PRDM16: variants seen among roughly 807,000 people sequenced by gnomAD.
The protein encoded by PRDM16 is PR/SET domain 16, also known as histone-lysine N-methyltransferase PRDM16.
Under a neutral mutation model 110.6 loss-of-function variants are expected in PRDM16, and 23 were observed. The ratio of observed to expected loss-of-function variants is 0.21; its 90% confidence interval spans 0.15 to 0.29. The LOEUF (loss-of-function observed/expected upper bound fraction) is 0.29, where lower values mean the gene tolerates loss of function less well. Ranked by LOEUF, PRDM16 falls within the 10% of genes least tolerant of loss-of-function variation. PRDM16 has a pLI of 1.00. For synonymous variants in PRDM16, 799 were observed against 781.8 expected, an observed-to-expected ratio of 1.02 and a Z score of -0.37; for missense variants, 1,615 against 1,794.3, an observed-to-expected ratio of 0.90 and a Z score of 1.81.
Position 3,157,416 on chromosome 1 carries a change from T to G in PRDM16, c.38-28709T>G, listed in dbSNP as rs118067311. Among the ~76,000 whole-genome samples, 1,889 of 117,934 alleles carry G rather than the reference T, an allele frequency of 0.016. 80 individuals carry two copies. Among genetic ancestry groups the G allele is most frequent in the East Asian group, 0.13 (524 of 3,974 alleles). 77.4% of individuals were successfully genotyped at this position (117,934 alleles called of 152,430 possible). On this transcript the variant is annotated intron_variant, in intron 1 of 16. Coordinates refer to ENST00000270722, the MANE Select transcript of PRDM16 (RefSeq NM_022114.4). This position sits in a 1 kb window ranked among gnomAD's most constrained non-coding sequence, Gnocchi z 4.8. ...CCCCAGGCTCCCAGGCCTTTTGCGA[T>G]CCCATTAAAAAAAAAAAAAAAAAAA...
chr1:3,267,690 C>T lies in PRDM16; in HGVS notation c.438+23553C>T, dbSNP rs367857163. ...GAGCGGCTGAAGGGGCGGCCCCTCC[C>T]GCACCAGGGTGATTCCAGCCCCTGC... On this transcript the variant is annotated intron_variant, in intron 3 of 16. Transcript: ENST00000270722. Among the ~76,000 whole-genome samples the T allele has an allele frequency of 7.2e-5, 11 of 152,330 alleles. No individual in the cohort carries two copies. In the East Asian group the frequency reaches 1.4e-3, roughly 19 times the overall value.
At chr1:3,167,051 G>T (rs886192547) in intron 1 of PRDM16, among the ~76,000 whole-genome samples, 1 of 152,214 alleles carries the variant, frequency 6.6e-6, no homozygotes, top group Non-Finnish European at 1.5e-5. Flanking sequence ...CCAGGGAGGT[G>T]CAGGGAGCGA....
At chr1:3,072,789 G>A (rs778916198) in intron 1 of PRDM16, among the ~76,000 whole-genome samples, 2 of 152,254 alleles carry the variant, frequency 1.3e-5, no homozygotes, top group Non-Finnish European at 2.9e-5. Context: ...CGCTTCGGAC[G>A]AAAACACAGA....
chr1:3,396,016 T>C (rs1643380088), intron 4 of PRDM16, among the ~76,000 whole-genome samples: 1 of 152,202 alleles, frequency 6.6e-6, no homozygotes, highest in Non-Finnish European at 1.5e-5. Context: ...CGCAGCCCCA[T>C]GTCCTGACTC....
chr1:3,250,251 T>C (rs1190908831), intron 3 of PRDM16, among the ~76,000 whole-genome samples: 1 of 151,492 alleles, frequency 6.6e-6, no homozygotes, highest in Non-Finnish European at 1.5e-5. Flanking sequence ...CAGCCACAGC[T>C]CCCGTGGCCT....
intron 2 of PRDM16, among the ~76,000 whole-genome samples, chr1:3,199,619 G>GC (rs536252037): frequency 1.2e-4 from 19 of 152,324 alleles, no homozygotes; most frequent in African/African-American, 4.3e-4. Flanking sequence ...CACTGGAGCT[G>GC]CCGGGCCCCC....
At chr1:3,428,355 A>G (rs1028688658) in intron 14 of PRDM16, among the ~76,000 whole-genome samples, 1 of 151,298 alleles carries the variant, frequency 6.6e-6, no homozygotes, top group Non-Finnish European at 1.5e-5. Context: ...GGCTGTCTCT[A>G]AGAGAAAGAG....
At chr1:3,281,476 A>C (rs763901191) in intron 3 of PRDM16, among the ~76,000 whole-genome samples, 2 of 152,258 alleles carry the variant, frequency 1.3e-5, no homozygotes, top group Non-Finnish European at 2.9e-5. Flanking sequence ...GAAACTTATC[A>C]GTCATTCACA....
In PRDM16 at chr1:3,339,217, G is replaced by A. The variant is rs577065054; in HGVS notation, c.439-45935G>A. 1.3e-5 allele frequency among the ~76,000 whole-genome samples: 2 copies of A among 152,082 alleles called. No homozygotes were observed. The highest frequency in any genetic ancestry group is 3.9e-4 in the East Asian group (2 of 5,166). ...CTCCAGCTGCTGAAAGCCGAACCAC[G>A]TTTTGTGGGATACTGCCCCCGAGGG... On this transcript the variant is annotated intron_variant, in intron 3 of 16. Transcript: ENST00000270722. The surrounding 1 kb of genome is among the most constrained non-coding windows in gnomAD (Gnocchi z 5.0).
chr1:3,220,423 G>A (rs1307853115), intron 2 of PRDM16, among the ~76,000 whole-genome samples: 4 of 152,226 alleles, frequency 2.6e-5, no homozygotes, highest in African/African-American at 9.6e-5. Context: ...AGCTCTGTGG[G>A]CCTGGGACCT....
chr1:3,193,086 C>T (rs927142031), intron 2 of PRDM16, among the ~76,000 whole-genome samples: 5 of 151,502 alleles, frequency 3.3e-5, no homozygotes, highest in South Asian at 4.2e-4. Flanking sequence ...ACTGAGCAGA[C>T]GCAGCGGCCA....
At chr1:3,150,841 C>T (rs991470691) in intron 1 of PRDM16, among the ~76,000 whole-genome samples, 14 of 146,858 alleles carry the variant, frequency 9.5e-5, no homozygotes, top group Non-Finnish European at 2.1e-4. Flanking sequence ...AAGCACAGAG[C>T]TGCAAGAGCT....
At chr1:3,383,703 G>A (rs1288426629) in intron 3 of PRDM16, among the ~76,000 whole-genome samples, 1 of 152,280 alleles carries the variant, frequency 6.6e-6, no homozygotes, top group African/African-American at 2.4e-5. Context: ...TGCATGCCGA[G>A]CATCTGAGGT....
intron 3 of PRDM16, among the ~76,000 whole-genome samples, chr1:3,266,893 C>T (rs558966722): frequency 5.3e-5 from 8 of 152,092 alleles, no homozygotes; most frequent in Non-Finnish European, 1.2e-4. Flanking sequence ...GTCCAGGCTG[C>T]TCTCGAACTC....
chr1:3,432,160 C>T lies in PRDM16; in HGVS notation c.3696+20C>T, dbSNP rs372908286. On this transcript the variant is annotated intron_variant, in intron 16 of 16. Transcript: ENST00000270722. ...AACCAGGTAGGTACCCGCCAGAGCCCCTCCCCCACCCCACCTGGCCTCCTC... is the reference window on the plus strand; with the variant it reads ...AACCAGGTAGGTACCCGCCAGAGCCTCTCCCCCACCCCACCTGGCCTCCTC... 2.5e-6 allele frequency: 4 copies of T among 1,605,892 alleles called. No homozygotes were observed. Among genetic ancestry groups the T allele is most frequent in the Non-Finnish European group, 3.4e-6 (4 of 1,174,834 alleles).
intron 1 of PRDM16, among the ~76,000 whole-genome samples, chr1:3,079,860 T>A (rs943707438): frequency 2.6e-5 from 4 of 152,230 alleles, no homozygotes; most frequent in Non-Finnish European, 5.9e-5. Flanking sequence ...CAAGCTACTC[T>A]GTTTTTGTTG....
At chr1:3,093,819 C>T (rs578193617) in intron 1 of PRDM16, among the ~76,000 whole-genome samples, 1 of 152,338 alleles carries the variant, frequency 6.6e-6, no homozygotes, top group Non-Finnish European at 1.5e-5. Flanking sequence ...TAGCCCAGCT[C>T]CGAAGCGCAG....
In PRDM16 at chr1:3,425,952, C is replaced by A; in HGVS notation, c.3110-99C>A. On this transcript the variant is annotated intron_variant, in intron 13 of 16. Transcript: ENST00000270722. The surrounding 1 kb of genome is among the most constrained non-coding windows in gnomAD (Gnocchi z 6.9). ...CGGTGTCCCTAAGAAACCTGCCTCC[C>A]TAACAGCACCCCAGGTGTACCCCGT... The A allele has an allele frequency of 7.2e-7, 1 of 1,394,532 alleles. No individual in the cohort carries two copies. The highest frequency in any genetic ancestry group is 9.6e-7 in the Non-Finnish European group (1 of 1,036,310). 86.4% of individuals were successfully genotyped at this position (1,394,532 alleles called of 1,614,324 possible).
At position 3,438,360 on chromosome 1, in the gene PRDM16, C is replaced by A. The variant is rs530117108; in HGVS notation, c.*4549C>A. 4.9e-6 allele frequency: 1 copy of A among 202,300 alleles called. No individual in the cohort carries two copies. Among genetic ancestry groups the A allele is most frequent in the Non-Finnish European group, 1.0e-5 (1 of 98,448 alleles). 12.5% of individuals were successfully genotyped at this position (202,300 alleles called of 1,614,324 possible). ...AAAGAGGCGCAGTTCCCAATTAATACGGAAATCGCTGTGGGAGAAGAATGA... is the reference window on the plus strand; with the variant it reads ...AAAGAGGCGCAGTTCCCAATTAATAAGGAAATCGCTGTGGGAGAAGAATGA... On this transcript the variant is annotated 3_prime_UTR_variant, in exon 17 of 17. Transcript: ENST00000270722.
Sources: allele counts gnomAD v4.1 joint callset (sites outside exome capture counted in the v4.1 genomes callset), GRCh38; gene constraint gnomAD v4.1.1; non-coding constraint Gnocchi (gnomAD v3.1); transcripts MANE v1.5; gene names NCBI Gene and HGNC (gene_info 2026-07-23, HGNC 2026-07-21).